CRACDL: variants seen among roughly 807,000 people sequenced by gnomAD.
CRACDL encodes CRACD like.
Under a neutral mutation model 70.6 loss-of-function variants are expected in CRACDL, and 26 were observed. The observed-to-expected ratio is 0.37, with a 90% CI of 0.27 to 0.51. The LOEUF is 0.51. Ranked by LOEUF, CRACDL falls within the 20% of genes least tolerant of loss-of-function variation. The pLI, the probability that CRACDL is intolerant of heterozygous loss-of-function variation, is 0.94. For missense variants in CRACDL, 1,283 were observed against 1,376.9 expected (o/e 0.93, Z 1.08); for synonymous variants, 618 against 615.2 (o/e 1.00, Z -0.07).
intron 1 of CRACDL, among the ~76,000 whole-genome samples, chr2:98,873,880 C>A (rs567747391): frequency 9.8e-5 from 15 of 152,328 alleles, no homozygotes; most frequent in Admixed American, 3.9e-4. Context: ...GTGGCACATG[C>A]CTGTAATCCC....
In CRACDL at chr2:98,822,098, C is replaced by T. The variant is rs747054709; in HGVS notation, c.2175G>A (p.Glu725=). 5.1e-6 allele frequency: 8 copies of T among 1,566,688 alleles called. No individual in the cohort carries two copies. Among genetic ancestry groups the T allele is most frequent in the Non-Finnish European group, 6.9e-6 (8 of 1,155,626 alleles). The stretch of plus-strand genomic sequence containing the variant: ...GGGCCGTCCCGAGGGGACACTTCTC[C>T]TCCTTCGGGAGCACGGTCAGCGACC... ...LERSLTVLPK[E]EKCPLGTAPA... The change falls in exon 7 of 10, where the codon GAG becomes GAA. Residue 725 remains glutamate, a synonymous_variant. Coordinates refer to ENST00000397899, the MANE Select transcript of CRACDL (RefSeq NM_207362.3). The surrounding 1 kb of genome is among the most constrained non-coding windows in gnomAD (Gnocchi z 4.9).
intron 1 of CRACDL, among the ~76,000 whole-genome samples, chr2:98,923,759 G>A (rs1255669193): frequency 6.6e-6 from 1 of 151,996 alleles, no homozygotes; most frequent in Non-Finnish European, 1.5e-5. Flanking sequence ...TTTTCCTACT[G>A]ATGAATTGTG....
At chr2:98,900,643 A>G (rs1177573241) in intron 1 of CRACDL, among the ~76,000 whole-genome samples, 1 of 152,054 alleles carries the variant, frequency 6.6e-6, no homozygotes, top group Non-Finnish European at 1.5e-5. Context: ...GTGTGTGTGC[A>G]TGCGTGTGTG....
intron 7 of CRACDL, among the ~76,000 whole-genome samples, chr2:98,805,782 G>T (rs1325688901): frequency 6.6e-6 from 1 of 152,218 alleles, no homozygotes; most frequent in Non-Finnish European, 1.5e-5. Context: ...AGGTCAGGAG[G>T]CACTGCCAAG....
At chr2:98,869,656 C>G (rs973888385) in intron 1 of CRACDL, among the ~76,000 whole-genome samples, 2 of 152,220 alleles carry the variant, frequency 1.3e-5, no homozygotes, top group African/African-American at 4.8e-5. Flanking sequence ...GCTCTCCTCT[C>G]TCATTCCAGC....
At chr2:98,818,442 A>C (rs1392726031) in intron 7 of CRACDL, among the ~76,000 whole-genome samples, 1 of 152,222 alleles carries the variant, frequency 6.6e-6, no homozygotes, top group Non-Finnish European at 1.5e-5. Flanking sequence ...GGGACAAAGC[A>C]GTTTGAGTGC....
intron 7 of CRACDL, among the ~76,000 whole-genome samples, chr2:98,811,858 T>A (rs1360254582): frequency 1.3e-5 from 2 of 152,240 alleles, no homozygotes; most frequent in African/African-American, 4.8e-5. Flanking sequence ...CTGTGTATAT[T>A]GAGGGTCCAT....
At chr2:98,914,444 A>G (rs1443110692) in intron 1 of CRACDL, among the ~76,000 whole-genome samples, 3 of 152,240 alleles carry the variant, frequency 2.0e-5, no homozygotes, top group Non-Finnish European at 4.4e-5. Context: ...CAGAGCCTGC[A>G]GCCCTCACCC....
chr2:98,797,057 A>G (rs1298812140), intron 8 of CRACDL, among the ~76,000 whole-genome samples: 1 of 152,202 alleles, frequency 6.6e-6, no homozygotes, highest in Non-Finnish European at 1.5e-5. Flanking sequence ...CTGCGTTGCC[A>G]AGGAGGCAGG....
chr2:98,875,498 CAA>C (rs1707465544), intron 1 of CRACDL, among the ~76,000 whole-genome samples: 1 of 151,612 alleles, frequency 6.6e-6, no homozygotes, highest in Non-Finnish European at 1.5e-5. Context: ...CAGGCCACTG[CAA>C]TCTCTGACAG....
chr2:98,838,096 G>A (rs1421641850), intron 3 of CRACDL, 23 bp downstream of exon 3: 27 of 1,583,362 alleles, frequency 1.7e-5, no homozygotes, highest in African/African-American at 4.1e-5. Context: ...CTCCTGGCCC[G>A]AGGGATGTAA....
chr2:98,849,468 G>A (rs1487534293), intron 1 of CRACDL, among the ~76,000 whole-genome samples: 2 of 152,166 alleles, frequency 1.3e-5, no homozygotes, highest in Non-Finnish European at 2.9e-5. Flanking sequence ...TGCCAAGCCC[G>A]GATCAGTCCA....
At chr2:98,875,282 G>C (rs971528274) in intron 1 of CRACDL, among the ~76,000 whole-genome samples, 2 of 152,200 alleles carry the variant, frequency 1.3e-5, no homozygotes, top group Non-Finnish European at 2.9e-5. Flanking sequence ...TTGGCTGCTG[G>C]CTCAGGTTTT....
intron 1 of CRACDL, chr2:98,913,066 A>T (rs1360425755): frequency 6.6e-6 from 1 of 152,242 alleles, no homozygotes; most frequent in Non-Finnish European, 1.5e-5. Flanking sequence ...CTACCGCCAC[A>T]TTTCCCAAAC....
At chr2:98,914,861 A>C (rs1361370032) in intron 1 of CRACDL, among the ~76,000 whole-genome samples, 1 of 152,174 alleles carries the variant, frequency 6.6e-6, no homozygotes, top group African/African-American at 2.4e-5. Context: ...GTTAGACAGC[A>C]CCATCCCAGG....
At chr2:98,867,434 G>A (rs900845845) in intron 1 of CRACDL, among the ~76,000 whole-genome samples, 4 of 152,122 alleles carry the variant, frequency 2.6e-5, no homozygotes, top group African/African-American at 7.2e-5. Context: ...AGACTGCAAA[G>A]CATGACAGCT....
At chr2:98,887,181 GA>G (rs1458808750) in intron 1 of CRACDL, among the ~76,000 whole-genome samples, 2 of 152,046 alleles carry the variant, frequency 1.3e-5, no homozygotes, top group African/African-American at 4.8e-5. Context: ...TTAAGGCATC[GA>G]AAAAAATAAC....
At chr2:98,913,759 A>C (rs976168138) in intron 1 of CRACDL, among the ~76,000 whole-genome samples, 1 of 152,198 alleles carries the variant, frequency 6.6e-6, no homozygotes, top group Non-Finnish European at 1.5e-5. Flanking sequence ...GAGCCTCCCC[A>C]GTCGTTAGAA....
intron 1 of CRACDL, among the ~76,000 whole-genome samples, chr2:98,859,071 A>G (rs901591759): frequency 1.3e-5 from 2 of 152,200 alleles, no homozygotes; most frequent in Non-Finnish European, 1.5e-5. Flanking sequence ...GAATTAACAG[A>G]AACCTTTCCC....
Sources: allele counts gnomAD v4.1 joint callset (sites outside exome capture counted in the v4.1 genomes callset), GRCh38; gene constraint gnomAD v4.1.1; non-coding constraint Gnocchi (gnomAD v3.1); transcripts MANE v1.5; gene names NCBI Gene and HGNC (gene_info 2026-07-23, HGNC 2026-07-21).